SPRED2: variants seen among roughly 807,000 people sequenced by gnomAD.
SPRED2 encodes the protein sprouty related EVH1 domain containing 2, also known as sprouty-related, EVH1 domain-containing protein 2.
SPRED2 carries 47 observed loss-of-function variants against 43.0 expected under a neutral mutation model. The observed-to-expected ratio is 1.09, with a 90% confidence interval of 0.87 to 1.40. The LOEUF (loss-of-function observed/expected upper bound fraction) is 1.40, where lower values mean the gene tolerates loss of function less well. Among genes scored for constraint, SPRED2 ranks in the 40% most tolerant of loss-of-function variants. The pLI, the probability that SPRED2 is intolerant of heterozygous loss-of-function variation, is 0.00. For missense variants in SPRED2, 561 were observed against 586.4 expected (o/e 0.96, Z 0.45); for synonymous variants, 225 against 225.7 (o/e 1.00, Z 0.03).
chr2:65,333,444 A>G (rs1572845926), intron 3 of SPRED2, among the ~76,000 whole-genome samples: 1 of 152,244 alleles, frequency 6.6e-6, no homozygotes, highest in Non-Finnish European at 1.5e-5. Context: ...TCTACTCTGA[A>G]TTACTCCAAT....
Position 65,312,130 on chromosome 2 carries a change from T to G in SPRED2, c.*1371A>C, listed in dbSNP as rs549267845. On this transcript the variant is annotated 3_prime_UTR_variant, in exon 6 of 6. Coordinates refer to ENST00000356388, the MANE Select transcript of SPRED2 (RefSeq NM_181784.3). Reference sequence around the variant, plus strand: ...GATTTGGCTAATCCTTGCAACGTATTAGAAAAATACTCTTTTCCAGCTAAT... The same window carrying G: ...GATTTGGCTAATCCTTGCAACGTATGAGAAAAATACTCTTTTCCAGCTAAT... 3 of 985,494 alleles carry G rather than the reference T, an allele frequency of 3.0e-6. No individual in the cohort carries two copies. In the African/African-American group the frequency reaches 5.2e-5, roughly 17 times the overall value. 61.0% of individuals were successfully genotyped at this position (985,494 alleles called of 1,614,324 possible). A position where few individuals can be genotyped will look rare whatever the true frequency, so the allele number is the denominator to read the frequency against.
intron 4 of SPRED2, among the ~76,000 whole-genome samples, chr2:65,321,425 G>A (rs191497304): frequency 2.7e-5 from 4 of 150,106 alleles, no homozygotes; most frequent in Middle Eastern, 3.5e-3. Flanking sequence ...TAATCCCAGC[G>A]CTTTGGGAGG....
At chr2:65,323,010 T>A (rs1673477057) in intron 4 of SPRED2, among the ~76,000 whole-genome samples, 1 of 152,250 alleles carries the variant, frequency 6.6e-6, no homozygotes, top group Non-Finnish European at 1.5e-5. Flanking sequence ...TTATTTATTT[T>A]TTGAGACAGA....
chr2:65,310,458 TACACACACACACACACACAC>T (rs55916427), downstream of SPRED2, among the ~76,000 whole-genome samples: 2,682 of 137,986 alleles, frequency 0.019, 83 homozygotes, highest in African/African-American at 0.067. Context: ...TCCTCCAAAC[TACACACACACACACACACAC>T]ACACACACAC....
intron 4 of SPRED2, among the ~76,000 whole-genome samples, chr2:65,327,207 T>C (rs989141228): frequency 2.6e-5 from 4 of 152,146 alleles, no homozygotes; most frequent in Non-Finnish European, 5.9e-5. Flanking sequence ...AGGACTCTGA[T>C]AAACCCACAG....
At chr2:65,334,812 C>T (rs764429396) in intron 2 of SPRED2, 39 bp from the exon 3 acceptor site, 20 of 1,607,880 alleles carry the variant, frequency 1.2e-5, no homozygotes, top group Non-Finnish European at 1.6e-5. Flanking sequence ...ACTAGTGGAA[C>T]AGCCATGATG....
intron 1 of SPRED2, chr2:65,366,587 T>C (rs1275650526): frequency 7.1e-6 from 11 of 1,553,398 alleles, no homozygotes; most frequent in South Asian, 2.4e-5. Flanking sequence ...AGTAAGCACG[T>C]ACCTGCCAGG....
At chr2:65,338,443 G>T (rs1027069618) in intron 2 of SPRED2, among the ~76,000 whole-genome samples, 6 of 151,822 alleles carry the variant, frequency 4.0e-5, no homozygotes, top group African/African-American at 1.4e-4. Flanking sequence ...GATTGCAGGC[G>T]CGCGCCGCCA....
intron 1 of SPRED2, among the ~76,000 whole-genome samples, chr2:65,401,052 C>G (rs1055914115): frequency 6.6e-6 from 1 of 152,126 alleles, no homozygotes; most frequent in African/African-American, 2.4e-5. Flanking sequence ...ACTGCAACCT[C>G]TGCCTCCCAG....
chr2:65,370,363 C>T (rs943259168), intron 1 of SPRED2, among the ~76,000 whole-genome samples: 16 of 152,136 alleles, frequency 1.1e-4, no homozygotes, highest in African/African-American at 3.9e-4. Flanking sequence ...TGAATTTAGA[C>T]TCTCTCAGAG....
At position 65,311,809 on chromosome 2, in the gene SPRED2, C is replaced by T. The variant is rs116588918; in HGVS notation, c.*1692G>A. 2.1e-3 allele frequency: 2,050 copies of T among 985,416 alleles called. 39 individuals carry two copies. In the African/African-American group the frequency reaches 0.033, roughly 16 times the overall value. The allele number at this position is 985,416 out of a possible 1,614,324, so 61.0% of individuals were successfully genotyped here. ...TAAAGAAAATCGATGAGCTTGTGGACGAGCTGGAAACAGCCCCATGAAGGT... is the reference window on the plus strand; with the variant it reads ...TAAAGAAAATCGATGAGCTTGTGGATGAGCTGGAAACAGCCCCATGAAGGT... On this transcript the variant is annotated 3_prime_UTR_variant, in exon 6 of 6. Coordinates refer to ENST00000356388, the MANE Select transcript of SPRED2 (RefSeq NM_181784.3).
At chr2:65,382,637 T>C (rs533996003) in intron 1 of SPRED2, among the ~76,000 whole-genome samples, 2 of 152,358 alleles carry the variant, frequency 1.3e-5, no homozygotes, top group African/African-American at 4.8e-5. Flanking sequence ...AAAGCAGGTG[T>C]CATTAATTAT....
At chr2:65,354,813 G>A (rs948235897) in intron 1 of SPRED2, among the ~76,000 whole-genome samples, 1 of 152,170 alleles carries the variant, frequency 6.6e-6, no homozygotes, top group East Asian at 1.9e-4. Context: ...CATGGGCAAC[G>A]AAGTGTTCGC....
At chr2:65,357,959 T>G (rs1479272725) in intron 1 of SPRED2, among the ~76,000 whole-genome samples, 1 of 150,864 alleles carries the variant, frequency 6.6e-6, no homozygotes, top group Non-Finnish European at 1.5e-5. Flanking sequence ...CTTTCAACTT[T>G]GATCCCTTTT....
intron 1 of SPRED2, chr2:65,378,279 T>C (rs1675292107): frequency 1.3e-5 from 2 of 153,036 alleles, no homozygotes; most frequent in Admixed American, 1.3e-4. Context: ...GATTTGGTAT[T>C]AGATGAGATT....
chr2:65,430,820 G>C (rs1337052485), intron 1 of SPRED2, among the ~76,000 whole-genome samples: 1 of 152,202 alleles, frequency 6.6e-6, no homozygotes, highest in Admixed American at 6.5e-5. Flanking sequence ...GTGCAGGGGA[G>C]GAGGGGAGGG....
intron 5 of SPRED2, among the ~76,000 whole-genome samples, chr2:65,316,487 G>A (rs764827258): frequency 2.0e-5 from 3 of 152,212 alleles, no homozygotes; most frequent in South Asian, 2.1e-4. Context: ...CTTGCCTTGT[G>A]GGGCAGTTTC....
chr2:65,405,796 C>A (rs1369818487), intron 1 of SPRED2, among the ~76,000 whole-genome samples: 1 of 152,198 alleles, frequency 6.6e-6, no homozygotes, highest in Non-Finnish European at 1.5e-5. Flanking sequence ...TACATCTGAG[C>A]TCCTCCACAA....
chr2:65,408,386 A>G (rs1351223923), intron 1 of SPRED2, among the ~76,000 whole-genome samples: 1 of 152,200 alleles, frequency 6.6e-6, no homozygotes, highest in Non-Finnish European at 1.5e-5. Context: ...ATTCAAAATC[A>G]GCTCCCCTGA....
Sources: allele counts gnomAD v4.1 joint callset (sites outside exome capture counted in the v4.1 genomes callset), GRCh38; gene constraint gnomAD v4.1.1; transcripts MANE v1.5; gene names NCBI Gene and HGNC (gene_info 2026-07-23, HGNC 2026-07-21).